The following CXXC5 variants were observed in gnomAD, a reference collection of about 807,000 sequenced individuals.
CXXC5 encodes the protein CXXC-type zinc finger protein 5.
In CXXC5, 2 loss-of-function variants were observed where a neutral mutation model predicts 17.6. The ratio of observed to expected loss-of-function variants is 0.11; its 90% CI spans 0.05 to 0.36. The LOEUF (loss-of-function observed/expected upper bound fraction) is 0.36. CXXC5 is among the 10% of genes least tolerant of loss of function. The pLI, the probability that CXXC5 is intolerant of heterozygous loss-of-function variation, is 1.00. For missense variants in CXXC5, 343 were observed against 458.3 expected (o/e 0.75, Z 2.30); for synonymous variants, 171 against 193.0 (o/e 0.89, Z 0.94).
intron 1 of CXXC5, among the ~76,000 whole-genome samples, chr5:139,674,099 T>TG (rs1230008294): frequency 1.3e-5 from 2 of 152,080 alleles, no homozygotes; most frequent in African/African-American, 4.8e-5. Context: ...GGCCAGTGTG[T>TG]GGGGGTATGT....
chr5:139,660,162 C>T (rs1755711730), intron 1 of CXXC5, among the ~76,000 whole-genome samples: 1 of 152,192 alleles, frequency 6.6e-6, no homozygotes, highest in African/African-American at 2.4e-5. Flanking sequence ...TGTGCCAGTG[C>T]AGTGAGGGGA....
chr5:139,658,717 C>G lies in CXXC5; in HGVS notation c.-161+9872C>G, dbSNP rs962474463. 2.8e-4 allele frequency among the ~76,000 whole-genome samples: 43 copies of G among 152,262 alleles called. No homozygotes were observed. Among genetic ancestry groups the G allele is most frequent in the Admixed American group, 6.5e-5 (1 of 15,294 alleles). On this transcript the variant is annotated intron_variant, in intron 1 of 2. Coordinates refer to ENST00000302517, the MANE Select transcript of CXXC5 (RefSeq NM_016463.9). This position sits in a 1 kb window ranked among gnomAD's most constrained non-coding sequence, Gnocchi z 4.1. ...GCCGGGCGGCTTCCCAGCTCCCCCT[C>G]TGACTCATGGCCGCCTGCAGCTCCC... is the stretch of plus-strand genomic sequence containing the variant.
chr5:139,647,655 C>T (rs1295129234), upstream of CXXC5, among the ~76,000 whole-genome samples: 1 of 152,192 alleles, frequency 6.6e-6, no homozygotes, highest in Non-Finnish European at 1.5e-5. Context: ...AGGCCATGGT[C>T]TCAGGGCACC....
chr5:139,670,234 G>A lies in CXXC5; in HGVS notation c.-160-10130G>A, dbSNP rs561266607. Among the ~76,000 whole-genome samples the A allele has an allele frequency of 2.3e-4, 35 of 152,334 alleles. No homozygotes were observed. The highest frequency in any genetic ancestry group is 4.1e-4 in the Non-Finnish European group (28 of 68,028). ...CCACGCCTCTGCAGGGAGGGCCTGC[G>A]GTCTGGGGGCTTTTGTTTTCCAGTT... On this transcript the variant is annotated intron_variant, in intron 1 of 2. Transcript: ENST00000302517. This position sits in a 1 kb window ranked among gnomAD's most constrained non-coding sequence, Gnocchi z 4.2.
chr5:139,672,178 C>T (rs1439473259), intron 1 of CXXC5, among the ~76,000 whole-genome samples: 1 of 152,112 alleles, frequency 6.6e-6, no homozygotes, highest in Non-Finnish European at 1.5e-5. Context: ...AGTGCAATGG[C>T]GTGATCTTGG....
intron 1 of CXXC5, among the ~76,000 whole-genome samples, chr5:139,652,425 C>T (rs527531555): frequency 2.6e-5 from 4 of 152,036 alleles, no homozygotes; most frequent in African/African-American, 4.8e-5. Context: ...AGGACTGCCC[C>T]CTAAAGACCC....
At chr5:139,673,962 T>A in intron 1 of CXXC5, among the ~76,000 whole-genome samples, 1 of 151,336 alleles carries the variant, frequency 6.6e-6, no homozygotes, top group African/African-American at 2.4e-5. Context: ...TGTAAGAGGG[T>A]CAGGGGTGTG....
chr5:139,672,224 TCTC>T (rs1296084907), intron 1 of CXXC5, among the ~76,000 whole-genome samples: 1 of 152,170 alleles, frequency 6.6e-6, no homozygotes, highest in Non-Finnish European at 1.5e-5. Flanking sequence ...TTCAGGCAAT[TCTC>T]CTGCCTCAGC....
At chr5:139,664,425 G>A (rs1353979217) in intron 1 of CXXC5, among the ~76,000 whole-genome samples, 1 of 152,120 alleles carries the variant, frequency 6.6e-6, no homozygotes, top group African/African-American at 2.4e-5. Flanking sequence ...CTTCCTCTTT[G>A]GTATACAGGG....
In CXXC5 at chr5:139,650,360, C is replaced by G. The variant is rs1755099904; in HGVS notation, c.-161+1515C>G. Among the ~76,000 whole-genome samples the G allele has an allele frequency of 3.9e-5, 6 of 152,196 alleles. No individual in the cohort carries two copies. The South Asian group carries it at 1.2e-3, about 32-fold the overall frequency. ...CTGACCCCCACCTTTCCTCGCGCGG[C>G]GGGCGCTGTTTGGAGCCCTTGGATT... On this transcript the variant is annotated intron_variant, in intron 1 of 2. Coordinates refer to ENST00000302517, the MANE Select transcript of CXXC5 (RefSeq NM_016463.9).
chr5:139,683,109 A>G lies in CXXC5; in HGVS notation c.*202A>G. 2 of 421,320 alleles carry G rather than the reference A, an allele frequency of 4.7e-6. No individual in the cohort carries two copies. The highest frequency in any genetic ancestry group is 8.1e-6 in the Non-Finnish European group (2 of 247,018). 26.1% of individuals were successfully genotyped at this position (421,320 alleles called of 1,614,324 possible). ...CGTCCCTAGCATAAAAAGAAAAAGAAAAAAATTTAAACTGCTTTTTCGGAA... is the reference window on the plus strand; with the variant it reads ...CGTCCCTAGCATAAAAAGAAAAAGAGAAAAATTTAAACTGCTTTTTCGGAA... On this transcript the variant is annotated 3_prime_UTR_variant, in exon 3 of 3. Coordinates refer to ENST00000302517, the MANE Select transcript of CXXC5 (RefSeq NM_016463.9).
intron 1 of CXXC5, among the ~76,000 whole-genome samples, chr5:139,665,958 C>A (rs948395709): frequency 1.3e-5 from 2 of 152,204 alleles, no homozygotes; most frequent in Admixed American, 6.5e-5. Context: ...GTACACTGAC[C>A]CCAGTGTCTC....
intron 1 of CXXC5, among the ~76,000 whole-genome samples, chr5:139,655,116 G>A (rs749490988): frequency 1.1e-4 from 17 of 152,092 alleles, no homozygotes; most frequent in Non-Finnish European, 2.1e-4. Context: ...CTGGAAGGCC[G>A]GCTGTACCCA....
At position 139,678,177 on chromosome 5, in the gene CXXC5, G is replaced by A. The variant is rs939357192; in HGVS notation, c.-160-2187G>A. On this transcript the variant is annotated intron_variant, in intron 1 of 2. Transcript: ENST00000302517. ...GCTTAGTTGGGCAGGAGCTGGATGA[G>A]CTGACTTGACGGTTTTTGTCCCTGA... Among the ~76,000 whole-genome samples, 10 of 152,238 alleles carry A rather than the reference G, an allele frequency of 6.6e-5. No individual in the cohort carries two copies. In the South Asian group the frequency reaches 1.9e-3, roughly 28 times the overall value.
chr5:139,653,741 G>A (rs1243931258), intron 1 of CXXC5, among the ~76,000 whole-genome samples: 2 of 152,130 alleles, frequency 1.3e-5, no homozygotes, highest in African/African-American at 4.8e-5. Context: ...CCCTGGCCCC[G>A]CTCCAGCCCC....
At position 139,681,051 on chromosome 5, in the gene CXXC5, G is replaced by A; in HGVS notation, c.528G>A (p.Val176=). Residue 176 remains valine (V), a synonymous_variant, in exon 2 of 3, where the codon GTG becomes GTA. Coordinates refer to ENST00000302517, the MANE Select transcript of CXXC5 (RefSeq NM_016463.9). ...AQSTEMLKRV[V]QEHLPLMSEA... ...CCACAGAGATGCTGAAGCGCGTGGTGCAGGAGCATCTCCCGCTGATGAGCG... is the reference window on the plus strand; with the variant it reads ...CCACAGAGATGCTGAAGCGCGTGGTACAGGAGCATCTCCCGCTGATGAGCG... 1 of 1,611,400 alleles carries A rather than the reference G, an allele frequency of 6.2e-7. No individual in the cohort carries two copies. Among genetic ancestry groups the A allele is most frequent in the East Asian group, 2.2e-5 (1 of 44,886 alleles).
chr5:139,682,852 G>GC lies in CXXC5; in HGVS notation c.925-6dup, dbSNP rs1561553527. 6 of 1,588,164 alleles carry GC rather than the reference G, an allele frequency of 3.8e-6. No homozygotes were observed. The highest frequency in any genetic ancestry group is 1.8e-5 in the Admixed American group (1 of 56,404). On this transcript the variant is annotated splice_polypyrimidine_tract_variant and intron_variant, in intron 2 of 2. Coordinates refer to ENST00000302517, the MANE Select transcript of CXXC5 (RefSeq NM_016463.9). ...AACTCTCTCCTTGTTTTTGTCTCCCGCCCCCGCCAGAAGGTGATGCTTCCG... is the reference window on the plus strand; with the variant it reads ...AACTCTCTCCTTGTTTTTGTCTCCCGCCCCCCGCCAGAAGGTGATGCTTCCG...
In CXXC5 at chr5:139,682,916, G is replaced by A; in HGVS notation, c.*9G>A. On this transcript the variant is annotated 3_prime_UTR_variant, in exon 3 of 3. Transcript: ENST00000302517. ...TCCGGTGGTTTCAGTGACGGCGGCGGAACCCAAAGCTGCCCTCTCCGTGCA... is the reference window on the plus strand; with the variant it reads ...TCCGGTGGTTTCAGTGACGGCGGCGAAACCCAAAGCTGCCCTCTCCGTGCA... 1 of 1,589,568 alleles carries A rather than the reference G, an allele frequency of 6.3e-7. No homozygotes were observed. Among genetic ancestry groups the A allele is most frequent in the Non-Finnish European group, 8.6e-7 (1 of 1,166,790 alleles).
intron 1 of CXXC5, among the ~76,000 whole-genome samples, chr5:139,657,861 C>A (rs1272790744): frequency 6.6e-6 from 1 of 152,112 alleles, no homozygotes; most frequent in Non-Finnish European, 1.5e-5. Context: ...GAAGCAGAGA[C>A]CAGCCCTGAC....
Sources: gnomAD v4.1 joint callset for allele counts (sites outside exome capture counted in the v4.1 genomes callset) on GRCh38, gnomAD v4.1.1 for gene constraint, Gnocchi (gnomAD v3.1) non-coding constraint, MANE v1.5 for transcripts, NCBI Gene and HGNC (gene_info 2026-07-23, HGNC 2026-07-21) for gene names.